ENPP7: variants seen among roughly 807,000 people sequenced by gnomAD.
ENPP7 encodes the protein ectonucleotide pyrophosphatase/phosphodiesterase 7.
A neutral mutation model predicts 33.6 loss-of-function variants in ENPP7; 39 were observed. That is an observed-to-expected ratio of 1.16 (90% CI 0.90 to 1.52). ENPP7 has a LOEUF of 1.52. ENPP7 is among the 40% of genes most tolerant of loss of function. The pLI is 0.00. For synonymous variants in ENPP7, 244 were observed against 274.3 expected (o/e 0.89, Z 1.09); for missense variants, 594 against 641.0 (o/e 0.93, Z 0.79).
Position 79,733,559 on chromosome 17 carries a change from C to T in ENPP7, c.305C>T (p.Thr102Ile), listed in dbSNP as rs782776361. 4 of 1,613,576 alleles carry T rather than the reference C, an allele frequency of 2.5e-6. No individual in the cohort carries two copies. Among genetic ancestry groups the T allele is most frequent in the East Asian group, 2.2e-5 (1 of 44,890 alleles). The change falls in exon 2 of 6, where the codon ACC becomes ATC. Residue 102 changes from threonine (T) to isoleucine (I), a missense_variant. Thr to Ile is a moderately conservative substitution (Grantham distance 89). This residue lies in a region of ENPP7 where 504 missense variants were observed against 512.8 expected (regional missense o/e 0.98). Transcript: ENST00000328313. ...GVVHNMYYNT[T>I]SKVKLPYHAT... is the part of the protein sequence containing the mutation. ...GTTCACAACATGTACTACAACACCA[C>T]CAGCAAGGTGAAGCTGCCCTACCAC...
intron 5 of ENPP7, among the ~76,000 whole-genome samples, chr17:79,740,958 T>G (rs1905480539): frequency 6.6e-6 from 1 of 152,174 alleles, no homozygotes; most frequent in Non-Finnish European, 1.5e-5. Context: ...GGAACTAGGC[T>G]GTCTTCTGTG....
chr17:79,731,125 T>A lies in ENPP7; in HGVS notation c.-15T>A. On this transcript the variant is annotated 5_prime_UTR_variant, in exon 1 of 6. Transcript: ENST00000328313. ...CCTGTGCACCCTGTGTGCCTGTCCA[T>A]CTGGAAGGCCCAGCATGAGAGGCCC... The A allele has an allele frequency of 6.2e-7, 1 of 1,601,466 alleles. No homozygotes were observed. The highest frequency in any genetic ancestry group is 8.5e-7 in the Non-Finnish European group (1 of 1,176,150).
intron 1 of ENPP7, among the ~76,000 whole-genome samples, chr17:79,732,135 T>TACATATATACACAC (rs782666985): frequency 4.9e-4 from 20 of 40,968 alleles, no homozygotes; most frequent in African/African-American, 2.6e-3. Context: ...TATATATGTA[T>TACATATATACACAC]ATATATATAT....
intron 3 of ENPP7, among the ~76,000 whole-genome samples, chr17:79,736,147 C>T (rs1036824957): frequency 2.0e-5 from 3 of 152,216 alleles, no homozygotes; most frequent in Non-Finnish European, 4.4e-5. Flanking sequence ...TCAGGCGATC[C>T]ACCCGCCTCA....
chr17:79,733,451 G>A lies in ENPP7; in HGVS notation c.254-57G>A, dbSNP rs79403711. 2.0e-3 allele frequency: 3,206 copies of A among 1,570,826 alleles called. 50 individuals carry two copies. In the African/African-American group the frequency reaches 0.032, roughly 16 times the overall value. ...CTTCGCCTCTTCCAGCCCTGGGTCC[G>A]GCCTTCGCTGTGACCCCGGTCCATC... On this transcript the variant is annotated intron_variant, in intron 1 of 5. Transcript: ENST00000328313.
intron 1 of ENPP7, among the ~76,000 whole-genome samples, chr17:79,732,570 C>T (rs1234729645): frequency 3.9e-5 from 6 of 152,278 alleles, no homozygotes; most frequent in African/African-American, 1.2e-4. Flanking sequence ...CCTCTTCTGG[C>T]TCCTGGGGCC....
At position 79,737,042 on chromosome 17, in the gene ENPP7, G is replaced by A. The variant is rs782713508; in HGVS notation, c.1028G>A (p.Arg343Lys). Residue 343 changes from arginine to lysine, a missense_variant and splice_region_variant, in exon 4 of 6, where the codon AGA (arginine) becomes AAA (lysine). This residue lies in a region of ENPP7 where 504 missense variants were observed against 512.8 expected (regional missense o/e 0.98). Coordinates refer to ENST00000328313, the MANE Select transcript of ENPP7 (RefSeq NM_178543.5). This position sits in a 1 kb window ranked among gnomAD's most constrained non-coding sequence, Gnocchi z 5.5. The part of the protein sequence containing the change: ...YSDLGYVIHG[R>K]INVQFNNGEH... ...GGACCCTTGCCCGCTCCCCGGCAGA[G>A]AATTAACGTCCAGTTCAACAATGGG... The A allele has an allele frequency of 1.2e-6, 2 of 1,613,894 alleles. No homozygotes were observed. Among genetic ancestry groups the A allele is most frequent in the Admixed American group, 1.7e-5 (1 of 60,012 alleles).
chr17:79,741,672 T>G, intron 5 of ENPP7, 122 bp from the exon 6 acceptor site: 1 of 23,438 alleles, frequency 4.3e-5, no homozygotes. Context: ...CCCACCATCC[T>G]GTTTCCCACG....
At position 79,742,059 on chromosome 17, in the gene ENPP7, T is replaced by A; in HGVS notation, c.*282T>A. On this transcript the variant is annotated 3_prime_UTR_variant, in exon 6 of 6. Transcript: ENST00000328313. ...TCCTCCCCTTCGGGCCCCCTCCTCC[T>A]GCAAAACCCGCTCCCGAAGCGGCGC... The A allele has an allele frequency of 3.9e-6, 2 of 512,114 alleles. No homozygotes were observed. The highest frequency in any genetic ancestry group is 5.0e-6 in the Non-Finnish European group (2 of 396,568). The allele number at this position is 512,114 out of a possible 1,614,324, so 31.7% of individuals were successfully genotyped here. A position where few individuals can be genotyped will look rare whatever the true frequency, so the allele number is the denominator to read the frequency against.
In ENPP7 at chr17:79,735,007, G is replaced by A. The variant is rs782714876; in HGVS notation, c.400-36G>A. ...GGCATGAGACAAGGGGCAGCCCACT[G>A]AGGAGTCCTGTCTTTCACGCTGCCT... On this transcript the variant is annotated intron_variant, in intron 2 of 5. Transcript: ENST00000328313. The surrounding 1 kb of genome is among the most constrained non-coding windows in gnomAD (Gnocchi z 5.5). 4 of 1,602,038 alleles carry A rather than the reference G, an allele frequency of 2.5e-6. No homozygotes were observed. Among genetic ancestry groups the A allele is most frequent in the Non-Finnish European group, 3.4e-6 (4 of 1,173,410 alleles).
In ENPP7 at chr17:79,738,001, G is replaced by A; in HGVS notation, c.1332G>A (p.Val444=). 2 of 1,613,392 alleles carry A rather than the reference G, an allele frequency of 1.2e-6. No homozygotes were observed. The highest frequency in any genetic ancestry group is 1.7e-5 in the Admixed American group (1 of 60,024). Residue 444 remains valine, a synonymous_variant, in exon 5 of 6, where the codon GTG becomes GTA. Coordinates refer to ENST00000328313, the MANE Select transcript of ENPP7 (RefSeq NM_178543.5). This position sits in a 1 kb window ranked among gnomAD's most constrained non-coding sequence, Gnocchi z 6.2. ...CGCCCAGCAGCAGGCCCCTCCTCGT[G>A]ATGGGACTGCTGGGGACCGTGATTC... is the stretch of plus-strand genomic sequence containing the variant. ...ALPPSSRPLL[V]MGLLGTVILL...
rs781944610 is a variant in ENPP7, at chr17:79,735,270, C to G, written c.627C>G (p.Ser209=). The part of the protein sequence containing the change: ...DSTGHRYGPE[S]PERREMVRQV... Reference sequence around the variant, plus strand: ...CGGGCCACAGGTACGGCCCCGAGTCCCCGGAGAGGAGGGAGATGGTGCGGC... The same window carrying G: ...CGGGCCACAGGTACGGCCCCGAGTCGCCGGAGAGGAGGGAGATGGTGCGGC... The change falls in exon 3 of 6, where the codon TCC becomes TCG. Residue 209 remains serine (S), a synonymous_variant. Transcript: ENST00000328313. This position sits in a 1 kb window ranked among gnomAD's most constrained non-coding sequence, Gnocchi z 5.5. The G allele has an allele frequency of 2.5e-6, 4 of 1,613,402 alleles. No homozygotes were observed. The African/African-American group carries it at 5.3e-5, about 22-fold the overall frequency.
rs1598201549 is a variant in ENPP7 at position 79,735,925 on chromosome 17, T to C, written c.1026+256T>C. On this transcript the variant is annotated intron_variant, in intron 3 of 5. Coordinates refer to ENST00000328313, the MANE Select transcript of ENPP7 (RefSeq NM_178543.5). This position sits in a 1 kb window ranked among gnomAD's most constrained non-coding sequence, Gnocchi z 5.5. ...TGTGTTTTGTTTTGTTTTGTTTCATTTGAGACAGAGTTTCACTCTTGTCAT... is the reference window on the plus strand; with the variant it reads ...TGTGTTTTGTTTTGTTTTGTTTCATCTGAGACAGAGTTTCACTCTTGTCAT... 6.6e-6 allele frequency among the ~76,000 whole-genome samples: 1 copy of C among 152,100 alleles called. No homozygotes were observed. Among genetic ancestry groups the C allele is most frequent in the East Asian group, 1.9e-4 (1 of 5,188 alleles).
rs1314568133 is a variant in ENPP7, at chr17:79,738,608, C to T, written c.*16+546C>T. 6.5e-6 allele frequency: 1 copy of T among 152,754 alleles called. No homozygotes were observed. Among genetic ancestry groups the T allele is most frequent in the African/African-American group, 2.4e-5 (1 of 41,336 alleles). 9.5% of individuals were successfully genotyped at this position (152,754 alleles called of 1,614,324 possible). On this transcript the variant is annotated intron_variant, in intron 5 of 5. Coordinates refer to ENST00000328313, the MANE Select transcript of ENPP7 (RefSeq NM_178543.5). This position sits in a 1 kb window ranked among gnomAD's most constrained non-coding sequence, Gnocchi z 6.2. ...GGAGGAGAGCTCTGGGGCTGCGTTC[C>T]TGGAACTCTCTGGAAGCCCACCTCC... is the stretch of plus-strand genomic sequence containing the variant.
Position 79,735,086 on chromosome 17 carries a change from C to G in ENPP7, c.443C>G (p.Thr148Ser). 1 of 1,613,060 alleles carries G rather than the reference C, an allele frequency of 6.2e-7. No homozygotes were observed. Among genetic ancestry groups the G allele is most frequent in the Non-Finnish European group, 8.5e-7 (1 of 1,180,032 alleles). Reference sequence around the variant, plus strand: ...TTCTTCTACCCGGGCGGGAACGTCACCTACCAAGGGGTGGCTGTGACGCGG... The same window carrying G: ...TTCTTCTACCCGGGCGGGAACGTCAGCTACCAAGGGGTGGCTGTGACGCGG... ...GSFFYPGGNV[T>S]YQGVAVTRSR... Residue 148 changes from threonine (T) to serine (S), a missense_variant, in exon 3 of 6, where the codon ACC (threonine) becomes AGC (serine). Physicochemically the swap from Thr to Ser is moderately conservative, Grantham distance 58. Coordinates refer to ENST00000328313, the MANE Select transcript of ENPP7 (RefSeq NM_178543.5). This position sits in a 1 kb window ranked among gnomAD's most constrained non-coding sequence, Gnocchi z 5.5.
chr17:79,740,974 CTTCTT>C (rs1192665881), intron 5 of ENPP7, among the ~76,000 whole-genome samples: 49 of 152,176 alleles, frequency 3.2e-4, no homozygotes, highest in African/African-American at 8.2e-4. Flanking sequence ...CTGTGGCTAG[CTTCTT>C]TTCTTTTCTT....
chr17:79,738,234 A>C lies in ENPP7; in HGVS notation c.*16+172A>C. ...AGAGGCCATCACCCCTGAGATCCCG[A>C]GGCTGACCCTTCCAGCCTCTCTGCT... On this transcript the variant is annotated intron_variant, in intron 5 of 5. Transcript: ENST00000328313. This position sits in a 1 kb window ranked among gnomAD's most constrained non-coding sequence, Gnocchi z 6.2. The C allele has an allele frequency of 1.6e-6, 1 of 626,978 alleles. No individual in the cohort carries two copies. The allele number at this position is 626,978 out of a possible 1,614,324, so 38.8% of individuals were successfully genotyped here. A position where few individuals can be genotyped will look rare whatever the true frequency, so the allele number is the denominator to read the frequency against.
rs1555824008 is a variant in ENPP7, at chr17:79,738,063, G to C, written c.*16+1G>C. 1.2e-6 allele frequency: 2 copies of C among 1,606,902 alleles called. No homozygotes were observed. Among genetic ancestry groups the C allele is most frequent in the South Asian group, 1.1e-5 (1 of 91,050 alleles). On this transcript the variant is annotated splice_donor_variant, in intron 5 of 5. Coordinates refer to ENST00000328313, the MANE Select transcript of ENPP7 (RefSeq NM_178543.5). LOFTEE classifies it low-confidence loss of function (3UTR_SPLICE). The surrounding 1 kb of genome is among the most constrained non-coding windows in gnomAD (Gnocchi z 6.2). ...GTCGCATAACGCCCCATGGCTCAAG[G>C]TCAGAGACCCAGAAGGCAGAGGCGG...
In ENPP7 at chr17:79,733,653, G is replaced by C. The variant is rs898628146; in HGVS notation, c.399G>C (p.Gln133His). Residue 133 changes from glutamine (Q) to histidine (H), a missense_variant and splice_region_variant, in exon 2 of 6, where the codon CAG becomes CAC. This residue lies in a region of ENPP7 where 504 missense variants were observed against 512.8 expected (regional missense o/e 0.98). Transcript: ENST00000328313. Reference protein sequence around the residue: ...SVPIWITAQRQGLRAGSFFYP... With the variant: ...SVPIWITAQRHGLRAGSFFYP... ...CCATCTGGATCACAGCCCAGAGGCA[G>C]GTAATGTCACCCCCGCCCATACTGA... is the stretch of plus-strand genomic sequence containing the variant. 1.2e-6 allele frequency: 2 copies of C among 1,609,448 alleles called. No homozygotes were observed. Among genetic ancestry groups the C allele is most frequent in the Admixed American group, 3.4e-5 (2 of 59,502 alleles).
Sources: gnomAD v4.1 joint callset for allele counts (sites outside exome capture counted in the v4.1 genomes callset) on GRCh38, gnomAD v4.1.1 for gene constraint, gnomAD v4.1.1 regional missense constraint, Gnocchi (gnomAD v3.1) non-coding constraint, MANE v1.5 for transcripts, NCBI Gene and HGNC (gene_info 2026-07-23, HGNC 2026-07-21) for gene names.